DMRT1: variants seen among roughly 807,000 people sequenced by gnomAD.
DMRT1 encodes doublesex and mab-3 related transcription factor 1, also known as doublesex- and mab-3-related transcription factor 1.
Under a neutral mutation model 32.3 loss-of-function variants are expected in DMRT1, and 7 were observed. That is an observed-to-expected ratio of 0.22 (90% CI 0.12 to 0.41). DMRT1 has a LOEUF of 0.41. DMRT1 is among the 10% of genes least tolerant of loss of function. The pLI, the probability that DMRT1 is intolerant of heterozygous loss-of-function variation, is 1.00. For missense variants in DMRT1, 625 were observed against 500.5 expected (o/e 1.25, Z -2.37); for synonymous variants, 278 against 206.1 (o/e 1.35, Z -2.99).
intron 2 of DMRT1, 101 bp downstream of exon 2, chr9:847,244 T>A (rs770193349): frequency 8.1e-7 from 1 of 1,241,134 alleles, no homozygotes; most frequent in Non-Finnish European, 1.1e-6. Flanking sequence ...ATACAGTGTT[T>A]AGAGCTTAGA....
rs1446331344 is a variant in DMRT1 at position 965,781 on chromosome 9, CAGG to C, written c.968-2201_968-2199del. Among the ~76,000 whole-genome samples the C allele has an allele frequency of 3.9e-5, 6 of 152,190 alleles. No homozygotes were observed. Among genetic ancestry groups the C allele is most frequent in the African/African-American group, 1.4e-4 (6 of 41,438 alleles). ...GCTGCCAGTTCTGAAATGTGGGGCC[CAGG>C]AGAAGGTTGGTGCAGGGGCCAGAGC... On this transcript the variant is annotated intron_variant, in intron 4 of 4. Transcript: ENST00000382276. This position sits in a 1 kb window ranked among gnomAD's most constrained non-coding sequence, Gnocchi z 4.5.
Position 943,158 on chromosome 9 carries a change from A to G in DMRT1, c.968-24827A>G, listed in dbSNP as rs1440606800. Among the ~76,000 whole-genome samples, 6 of 152,242 alleles carry G rather than the reference A, an allele frequency of 3.9e-5. 1 individual carries two copies. Among genetic ancestry groups the G allele is most frequent in the Admixed American group, 3.3e-4 (5 of 15,284 alleles). On this transcript the variant is annotated intron_variant, in intron 4 of 4. Transcript: ENST00000382276. ...AGGATCAGGAGGAGGAAGAAAAGCC[A>G]ACATAAAATTGTGAAGGCAACAGGT...
In DMRT1 at chr9:969,079, T is replaced by C. The variant is rs1208395790; in HGVS notation, c.*940T>C. The C allele has an allele frequency of 6.6e-6, 1 of 152,630 alleles. No individual in the cohort carries two copies. The highest frequency in any genetic ancestry group is 2.4e-5 in the African/African-American group (1 of 41,460). 9.5% of individuals were successfully genotyped at this position (152,630 alleles called of 1,614,324 possible). A position where few individuals can be genotyped will look rare whatever the true frequency, so the allele number is the denominator to read the frequency against. Reference sequence around the variant, plus strand: ...AGCTGTACCTGAAATAAAAATGTTATTGATGACTGAATTTTCTTGTGTGTA... The same window carrying C: ...AGCTGTACCTGAAATAAAAATGTTACTGATGACTGAATTTTCTTGTGTGTA... On this transcript the variant is annotated 3_prime_UTR_variant, in exon 5 of 5. Coordinates refer to ENST00000382276, the MANE Select transcript of DMRT1 (RefSeq NM_021951.3).
At chr9:883,819 C>G (rs1197275607) in intron 2 of DMRT1, among the ~76,000 whole-genome samples, 1 of 151,406 alleles carries the variant, frequency 6.6e-6, no homozygotes, top group Non-Finnish European at 1.5e-5. Flanking sequence ...GGGAAAACAA[C>G]TTACGCTTTT....
At chr9:871,489 C>G (rs994373768) in intron 2 of DMRT1, among the ~76,000 whole-genome samples, 2 of 147,478 alleles carry the variant, frequency 1.4e-5, no homozygotes, top group East Asian at 4.0e-4. Context: ...TGCGCCACCA[C>G]GCCCGGCTAA....
At chr9:878,200 G>GCACCCCCCCC (rs1816584290) in intron 2 of DMRT1, among the ~76,000 whole-genome samples, 1 of 94,040 alleles carries the variant, frequency 1.1e-5, no homozygotes, top group Admixed American at 1.3e-4. Flanking sequence ...TGCAGCTGCT[G>GCACCCCCCCC]CCCCCCCCCC....
intron 2 of DMRT1, among the ~76,000 whole-genome samples, chr9:848,036 A>G (rs1838979452): frequency 6.6e-6 from 1 of 152,200 alleles, no homozygotes; most frequent in Non-Finnish European, 1.5e-5. Flanking sequence ...GACCTGTGGA[A>G]TCTTGTTATT....
intron 2 of DMRT1, among the ~76,000 whole-genome samples, chr9:855,311 A>C (rs1815351075): frequency 6.6e-6 from 1 of 152,226 alleles, no homozygotes; most frequent in South Asian, 2.1e-4. Flanking sequence ...CAGGGGTTAA[A>C]GTTACAAATA....
intron 2 of DMRT1, among the ~76,000 whole-genome samples, chr9:869,874 G>T (rs1816155725): frequency 6.6e-6 from 1 of 152,082 alleles, no homozygotes; most frequent in South Asian, 2.1e-4. Context: ...ATTTTGGCTT[G>T]TAATAAAGTC....
intron 4 of DMRT1, among the ~76,000 whole-genome samples, chr9:952,483 C>T (rs1389415216): frequency 6.6e-6 from 1 of 152,166 alleles, no homozygotes; most frequent in African/African-American, 2.4e-5. Context: ...TGCAATTGGA[C>T]TAACATTTCT....
At chr9:915,180 T>C (rs1460653827) in intron 3 of DMRT1, among the ~76,000 whole-genome samples, 3 of 152,236 alleles carry the variant, frequency 2.0e-5, no homozygotes, top group Non-Finnish European at 4.4e-5. Context: ...ATTTAAGTTT[T>C]AAAAGACTGT....
At chr9:954,193 C>G (rs981831570) in intron 4 of DMRT1, among the ~76,000 whole-genome samples, 2 of 151,994 alleles carry the variant, frequency 1.3e-5, no homozygotes, top group African/African-American at 4.8e-5. Context: ...TCTTGAAATG[C>G]CAGGCTAGGG....
At chr9:894,978 C>T (rs769423511) in intron 3 of DMRT1, 1 of 152,182 alleles carries the variant, frequency 6.6e-6, no homozygotes, top group African/African-American at 2.4e-5. Context: ...CCCCACCCGG[C>T]TAATTTTTGT....
intron 4 of DMRT1, among the ~76,000 whole-genome samples, chr9:966,201 T>A (rs1056184067): frequency 6.6e-6 from 1 of 152,262 alleles, no homozygotes; most frequent in Non-Finnish European, 1.5e-5. Flanking sequence ...TAAATGCATA[T>A]AACAATACAA....
chr9:910,159 T>C (rs1564244239), intron 3 of DMRT1, among the ~76,000 whole-genome samples: 1 of 152,170 alleles, frequency 6.6e-6, no homozygotes. Flanking sequence ...TCTAGAGAGA[T>C]ACGAACTTAA....
At chr9:889,670 A>G (rs1586572387) in intron 2 of DMRT1, among the ~76,000 whole-genome samples, 1 of 152,242 alleles carries the variant, frequency 6.6e-6, no homozygotes, top group East Asian at 1.9e-4. Flanking sequence ...TAAAAGGTTC[A>G]GATTAAGGTC....
intron 1 of DMRT1, 61 bp downstream of exon 1, chr9:842,253 T>TTTA: frequency 1.4e-6 from 2 of 1,442,542 alleles, no homozygotes; most frequent in African/African-American, 1.5e-5. Flanking sequence ...TTTTTTTTTT[T>TTTA]AGATGGAGTC....
chr9:900,336 A>G (rs1185720732), intron 3 of DMRT1, among the ~76,000 whole-genome samples: 3 of 151,800 alleles, frequency 2.0e-5, no homozygotes, highest in Admixed American at 1.3e-4. Flanking sequence ...TGTCCGCCGT[A>G]AGGAGCAGCC....
At chr9:897,382 C>T (rs1361995620) in intron 3 of DMRT1, among the ~76,000 whole-genome samples, 1 of 151,860 alleles carries the variant, frequency 6.6e-6, no homozygotes, top group East Asian at 1.9e-4. Flanking sequence ...TCCCAAAGTG[C>T]TGGGATTACA....
Sources: allele counts gnomAD v4.1 joint callset (sites outside exome capture counted in the v4.1 genomes callset), GRCh38; gene constraint gnomAD v4.1.1; non-coding constraint Gnocchi (gnomAD v3.1); transcripts MANE v1.5; gene names NCBI Gene and HGNC (gene_info 2026-07-23, HGNC 2026-07-21).